Variants in SLC19A1 observed in about 807,000 individuals in gnomAD.
SLC19A1 encodes reduced folate transporter.
In SLC19A1, 37 loss-of-function variants were observed where a neutral mutation model predicts 35.3. That is an observed-to-expected ratio of 1.05 (90% CI 0.81 to 1.38). The LOEUF (loss-of-function observed/expected upper bound fraction) is 1.38, where lower values mean the gene tolerates loss of function less well. Among genes scored for constraint, SLC19A1 ranks in the 40% most tolerant of loss-of-function variants. The pLI is 0.00. For missense variants in SLC19A1, 831 were observed against 826.9 expected (o/e 1.00, Z -0.06); for synonymous variants, 460 against 398.5 (o/e 1.15, Z -1.84).
chr21:45,508,912 G>A (rs138262893), downstream of SLC19A1, among the ~76,000 whole-genome samples: 1 of 152,166 alleles, frequency 6.6e-6, no homozygotes, highest in African/African-American at 2.4e-5. Context: ...GAAAGGTGCA[G>A]AATCAATAGG....
downstream of SLC19A1, chr21:45,507,621 G>T: frequency 5.0e-6 from 8 of 1,610,024 alleles, no homozygotes; most frequent in Non-Finnish European, 6.8e-6. Flanking sequence ...TGTTGAGACT[G>T]GTGGGTGGTC....
chr21:45,513,262 C>A lies in SLC19A1; in HGVS notation c.*2396G>T, dbSNP rs186538749. The A allele has an allele frequency of 1.7e-3, 262 of 152,456 alleles. 1 individual carries two copies. Among genetic ancestry groups the A allele is most frequent in the Non-Finnish European group, 1.0e-3 (69 of 68,154 alleles). 9.4% of individuals were successfully genotyped at this position (152,456 alleles called of 1,614,324 possible). A position where few individuals can be genotyped will look rare whatever the true frequency, so the allele number is the denominator to read the frequency against. On this transcript the variant is annotated 3_prime_UTR_variant, in exon 6 of 6. Transcript: ENST00000311124. ...TGTCCAGCTGAGCGCCAGGATGGAA[C>A]ACGGCCACATCAAAGAGGCTGAGGC...
chr21:45,504,682 C>T lies in SLC19A1; in HGVS notation c.498-6070G>A, dbSNP rs117560531. ...GCTGCCCCTGCAAGCTCAGCAGCCC[C>T]GACATGTCCCTGTCCCCGTGTGGGG... is the stretch of plus-strand genomic sequence containing the variant. On this transcript the variant is annotated intron_variant, in intron 3 of 4. Transcript: ENST00000417954. 9.0e-3 allele frequency: 7,241 copies of T among 803,622 alleles called. 53 individuals are homozygous for T. The highest frequency in any genetic ancestry group is 0.012 in the Middle Eastern group (33 of 2,778). 49.8% of individuals were successfully genotyped at this position (803,622 alleles called of 1,614,324 possible).
In SLC19A1 at chr21:45,540,772, A is replaced by G. The variant is rs2146452764; in HGVS notation, c.-50+1596T>C. Among the ~76,000 whole-genome samples, 1 of 152,296 alleles carries G rather than the reference A, an allele frequency of 6.6e-6. No homozygotes were observed. On this transcript the variant is annotated intron_variant, in intron 1 of 5. Transcript: ENST00000311124. This position sits in a 1 kb window ranked among gnomAD's most constrained non-coding sequence, Gnocchi z 5.5. ...TGAAGGAAGTCCCCGACCAGACAGG[A>G]GGGCCACGGGGAAGCAGAGAGAATC...
rs1238714863 is a variant in SLC19A1 at position 45,540,406 on chromosome 21, G to A, written c.-50+1962C>T. 1.3e-5 allele frequency among the ~76,000 whole-genome samples: 2 copies of A among 152,270 alleles called. No individual in the cohort carries two copies. The stretch of plus-strand genomic sequence containing the variant: ...ATCCCCACCCACAGGACCCCCAGGG[G>A]CCCGGGAGCCCTGGGTACTTGGGCC... On this transcript the variant is annotated intron_variant, in intron 1 of 5. Coordinates refer to ENST00000311124, the MANE Select transcript of SLC19A1 (RefSeq NM_194255.4). The surrounding 1 kb of genome is among the most constrained non-coding windows in gnomAD (Gnocchi z 5.5).
chr21:45,510,045 C>T (rs375225598), downstream of SLC19A1: 60 of 1,543,328 alleles, frequency 3.9e-5, no homozygotes, highest in African/African-American at 9.6e-5. Context: ...CAGCCCGTGA[C>T]GCGCCCCTCT....
chr21:45,516,240 C>A (rs1159701223), intron 5 of SLC19A1, 100 bp from the exon 6 acceptor site: 2 of 917,716 alleles, frequency 2.2e-6, no homozygotes, highest in Non-Finnish European at 3.4e-6. Flanking sequence ...TCCTCCAGCT[C>A]AGAGGCTGAC....
In SLC19A1 at chr21:45,530,802, G is replaced by A. The variant is rs200398944; in HGVS notation, c.1119C>T (p.Arg373=). 7.1e-5 allele frequency: 111 copies of A among 1,566,486 alleles called. No homozygotes were observed. In the Middle Eastern group the frequency reaches 1.3e-3, roughly 19 times the overall value. ...WLCYAAFVLF[R]GSYQFLVPIA... ...TGGGCACGAGGAACTGGTAGGAGCC[G>A]CGGAACAGCACGAAGGCCGCATAGC... Residue 373 remains arginine, a synonymous_variant, in exon 4 of 6, where the codon CGC becomes CGT. Coordinates refer to ENST00000311124, the MANE Select transcript of SLC19A1 (RefSeq NM_194255.4). This position sits in a 1 kb window ranked among gnomAD's most constrained non-coding sequence, Gnocchi z 5.3.
Position 45,555,160 on chromosome 21 carries a change from CGGGG to C in SLC19A1, c.-50+7578_-50+7581del, listed in dbSNP as rs1555888675. On this transcript the variant is annotated intron_variant, in intron 1 of 5. Transcript: ENST00000650808. The stretch of plus-strand genomic sequence containing the variant: ...ACGCAGGGGGCGGTGCAGGGGGCGG[CGGGG>C]GCGGCGCAGGGGGCGGTGCAGGGGG... Among the ~76,000 whole-genome samples, 5 of 41,824 alleles carry C rather than the reference CGGGG, an allele frequency of 1.2e-4. 1 individual carries two copies. Among genetic ancestry groups the C allele is most frequent in the East Asian group, 8.1e-4 (1 of 1,240 alleles). The allele number at this position is 41,824 out of a possible 152,430, so 27.4% of individuals were successfully genotyped here. A position where few individuals can be genotyped will look rare whatever the true frequency, so the allele number is the denominator to read the frequency against.
chr21:45,503,781 TATA>T (rs1029494305), intron 3 of SLC19A1, among the ~76,000 whole-genome samples: 18 of 151,806 alleles, frequency 1.2e-4, no homozygotes, highest in South Asian at 2.1e-4. Context: ...AAACTTAAAG[TATA>T]ATAATAAATT....
In SLC19A1 at chr21:45,518,719, A is replaced by C. The variant is rs868835860; in HGVS notation, c.1294-2579T>G. Among the ~76,000 whole-genome samples the C allele has an allele frequency of 1.3e-3, 204 of 152,330 alleles. 1 individual carries two copies. The highest frequency in any genetic ancestry group is 4.8e-3 in the African/African-American group (199 of 41,572). On this transcript the variant is annotated intron_variant, in intron 5 of 5. Transcript: ENST00000311124. ...GGGCACCACATTTCTCACAGGCTAA[A>C]AAAAAAGAACACTGTCTACCCAGCA...
chr21:45,557,669 C>G (rs1220740970), intron 1 of SLC19A1, among the ~76,000 whole-genome samples: 1 of 152,168 alleles, frequency 6.6e-6, no homozygotes, highest in East Asian at 1.9e-4. Context: ...TGCTCTGAGG[C>G]TCCCGGGGAG....
chr21:45,504,824 C>T (rs568398116), intron 3 of SLC19A1, among the ~76,000 whole-genome samples: 4 of 152,218 alleles, frequency 2.6e-5, no homozygotes, highest in South Asian at 2.1e-4. Context: ...GCTCCTGGGC[C>T]GGGTCAGGTC....
At chr21:45,542,254 A>G (rs1602918777) in intron 1 of SLC19A1, 114 bp downstream of exon 1, 1 of 120,000 alleles carries the variant, frequency 8.3e-6, no homozygotes, top group East Asian at 2.8e-4. Flanking sequence ...CAGCCCCCAC[A>G]CTCACCTCAC....
chr21:45,511,301 A>G, downstream of SLC19A1: 1 of 773,490 alleles, frequency 1.3e-6, no homozygotes, highest in Non-Finnish European at 2.3e-6. Context: ...TCCTATCTGC[A>G]GTTTCCCCCC....
upstream of SLC19A1, chr21:45,542,519 C>G (rs1462230418): frequency 4.6e-5 from 7 of 150,942 alleles, no homozygotes; most frequent in African/African-American, 1.7e-4. Context: ...AGGGCGGGGC[C>G]TCGCGCGTGG....
chr21:45,523,331 C>T (rs984626648), intron 5 of SLC19A1, among the ~76,000 whole-genome samples: 1 of 152,212 alleles, frequency 6.6e-6, no homozygotes, highest in Non-Finnish European at 1.5e-5. Context: ...TCAAACCAGC[C>T]AGAGAAAAGT....
intron 5 of SLC19A1, among the ~76,000 whole-genome samples, chr21:45,521,772 T>C (rs182382891): frequency 1.1e-4 from 16 of 152,294 alleles, no homozygotes; most frequent in Admixed American, 2.0e-4. Flanking sequence ...AGCTAAGTCT[T>C]TTCAACAAAT....
At chr21:45,535,106 G>A (rs906083258) in intron 2 of SLC19A1, among the ~76,000 whole-genome samples, 1 of 152,262 alleles carries the variant, frequency 6.6e-6, no homozygotes, top group Non-Finnish European at 1.5e-5. Context: ...CCCAACAGGG[G>A]CTGGCTGGGG....
Sources: allele counts gnomAD v4.1 joint callset (sites outside exome capture counted in the v4.1 genomes callset), GRCh38; gene constraint gnomAD v4.1.1; non-coding constraint Gnocchi (gnomAD v3.1); transcripts MANE v1.5; gene names NCBI Gene and HGNC (gene_info 2026-07-23, HGNC 2026-07-21).